Variants in DGKB observed in about 807,000 individuals in gnomAD.
The protein encoded by DGKB is diacylglycerol kinase beta.
In DGKB, 67 loss-of-function variants were observed where a neutral mutation model predicts 114.3. The ratio of observed to expected loss-of-function variants is 0.59; its 90% CI spans 0.48 to 0.72. The LOEUF (loss-of-function observed/expected upper bound fraction) is 0.72. DGKB is among the 30% of genes least tolerant of loss of function. The probability of loss-of-function intolerance (pLI) is 0.00; values close to 1 mark genes in which losing one functional copy is unlikely to be tolerated. For missense variants in DGKB, 907 were observed against 975.2 expected (o/e 0.93, Z 0.93); for synonymous variants, 398 against 323.1 (o/e 1.23, Z -2.49).
intron 1 of DGKB, among the ~76,000 whole-genome samples, chr7:14,923,785 A>T (rs1784619896): frequency 6.6e-6 from 1 of 152,022 alleles, no homozygotes; most frequent in Non-Finnish European, 1.5e-5. Flanking sequence ...ACCTGAGGTC[A>T]GGAGTTTGAG....
chr7:14,630,661 AC>A (rs1245828909), intron 13 of DGKB, among the ~76,000 whole-genome samples: 2 of 152,056 alleles, frequency 1.3e-5, no homozygotes, highest in African/African-American at 4.8e-5. Context: ...TCCTAAAAAT[AC>A]TGTGTCTTTT....
At chr7:14,822,262 G>A (rs1845052667) in intron 2 of DGKB, among the ~76,000 whole-genome samples, 1 of 152,066 alleles carries the variant, frequency 6.6e-6, no homozygotes. Flanking sequence ...TCACACATGT[G>A]ATATTTAAAG....
rs114465345 is a variant in DGKB, at chr7:14,622,388, G to A, written c.1168-894C>T. On this transcript the variant is annotated intron_variant, in intron 14 of 25. Transcript: ENST00000402815. ...CATCTCTATCTACCCTCACTCCCTA[G>A]GTAACTTCATTCATTCCCACAACTT... Among the ~76,000 whole-genome samples the A allele has an allele frequency of 3.5e-3, 529 of 152,006 alleles. 2 individuals carry two copies. Among genetic ancestry groups the A allele is most frequent in the African/African-American group, 0.012 (488 of 41,460 alleles).
chr7:14,502,601 T>C (rs775015264), intron 20 of DGKB, among the ~76,000 whole-genome samples: 2 of 152,120 alleles, frequency 1.3e-5, no homozygotes, highest in Non-Finnish European at 2.9e-5. Context: ...TGGGAAAATA[T>C]TATGTTTACA....
At chr7:14,192,103 G>T (rs1470495584) in intron 23 of DGKB, 1 of 394,350 alleles carries the variant, frequency 2.5e-6, no homozygotes, top group Non-Finnish European at 5.0e-6. Flanking sequence ...GCTGCTGATG[G>T]TGGAAAGGTC....
At chr7:14,465,696 G>T (rs1025625618) in intron 21 of DGKB, among the ~76,000 whole-genome samples, 3 of 152,120 alleles carry the variant, frequency 2.0e-5, no homozygotes, top group African/African-American at 7.2e-5. Context: ...CAGTTAGGAG[G>T]TGGAAGAGCC....
At chr7:14,244,054 G>GGAGA (rs34158469) in intron 23 of DGKB, among the ~76,000 whole-genome samples, 14 of 150,450 alleles carry the variant, frequency 9.3e-5, no homozygotes, top group Admixed American at 9.3e-4. Context: ...AGAGAGAGAG[G>GGAGA]GAGAGAGAGA....
intron 13 of DGKB, among the ~76,000 whole-genome samples, chr7:14,631,263 C>CAAAAAAAAAAAAA (rs35088925): frequency 4.1e-5 from 4 of 98,432 alleles, no homozygotes; most frequent in Non-Finnish European, 6.1e-5. Flanking sequence ...CAGCAAGAAC[C>CAAAAAAAAAAAAA]AAAAAAAAAA....
chr7:14,444,485 T>C (rs960058922), intron 21 of DGKB, among the ~76,000 whole-genome samples: 1 of 151,844 alleles, frequency 6.6e-6, no homozygotes, highest in African/African-American at 2.4e-5. Flanking sequence ...AGAATTCATA[T>C]GCGGTCTCCA....
Position 14,958,568 on chromosome 7 carries a change from G to A in DGKB, c.-188+16128C>T, listed in dbSNP as rs28715465. On this transcript the variant is annotated intron_variant, in intron 1 of 4. Coordinates refer to the DGKB transcript ENST00000437998. ...TTTCAATATTCTTCCTTTAATTATT[G>A]GCTTTATGACCAAATGTCCCAAAAA... 3.8e-3 allele frequency among the ~76,000 whole-genome samples: 572 copies of A among 151,704 alleles called. 4 individuals carry two copies. The highest frequency in any genetic ancestry group is 0.013 in the African/African-American group (538 of 41,338).
At chr7:14,217,502 A>G (rs1025558481) in intron 23 of DGKB, among the ~76,000 whole-genome samples, 4 of 152,074 alleles carry the variant, frequency 2.6e-5, no homozygotes, top group African/African-American at 9.7e-5. Context: ...AGTGTTCTCA[A>G]CTATTCCAAA....
intron 1 of DGKB, among the ~76,000 whole-genome samples, chr7:14,852,401 G>A (rs1345403460): frequency 7.1e-6 from 1 of 140,766 alleles, no homozygotes; most frequent in Non-Finnish European, 1.5e-5. Context: ...ATAAGGAAGG[G>A]CTTTGGTAGT....
At chr7:14,638,349 A>ATT (rs1464997281) in intron 13 of DGKB, among the ~76,000 whole-genome samples, 1 of 152,160 alleles carries the variant, frequency 6.6e-6, no homozygotes, top group Admixed American at 6.5e-5. Context: ...ACTCAATTTT[A>ATT]TTAGCTTCTA....
At position 14,223,051 on chromosome 7, in the gene DGKB, G is replaced by C. The variant is rs186446882; in HGVS notation, c.2123-44900C>G. ...TAATCTAAAGTGTGTCCCCTGAAGA[G>C]AGCATATAAATAGATCTTGTTTTTC... On this transcript the variant is annotated intron_variant, in intron 23 of 25. Transcript: ENST00000402815. 5.1e-4 allele frequency among the ~76,000 whole-genome samples: 77 copies of C among 151,654 alleles called. 2 individuals are homozygous for C. The highest frequency in any genetic ancestry group is 2.0e-3 in the Admixed American group (30 of 15,188).
chr7:14,933,302 G>T (rs978706787), intron 1 of DGKB, among the ~76,000 whole-genome samples: 1 of 151,982 alleles, frequency 6.6e-6, no homozygotes, highest in African/African-American at 2.4e-5. Context: ...ATTTCGTATC[G>T]CTGGTGGACA....
chr7:14,188,878 A>G (rs1783877483), intron 23 of DGKB, among the ~76,000 whole-genome samples: 1 of 152,114 alleles, frequency 6.6e-6, no homozygotes, highest in African/African-American at 2.4e-5. Context: ...ATGGGATGAT[A>G]TATTCAAAGT....
intron 21 of DGKB, among the ~76,000 whole-genome samples, chr7:14,363,363 C>T (rs556947831): frequency 1.9e-3 from 294 of 152,110 alleles, no homozygotes; most frequent in African/African-American, 6.8e-3. Context: ...AGAAAAGACA[C>T]GAACTGTTCA....
At chr7:14,441,675 C>A (rs196760) in intron 21 of DGKB, among the ~76,000 whole-genome samples, 124,901 of 151,970 alleles carry the variant, frequency 0.82, 52,090 homozygotes, top group Non-Finnish European at 0.91. Context: ...TAATTGTGAG[C>A]ATTTTGGATC....
chr7:14,199,111 C>T (rs17167956), intron 23 of DGKB, among the ~76,000 whole-genome samples: 14,596 of 151,956 alleles, frequency 0.096, 874 homozygotes, highest in Admixed American at 0.19. Context: ...CAATCAGTTA[C>T]ATAGTAATTT....
Sources: gnomAD v4.1 joint callset for allele counts (sites outside exome capture counted in the v4.1 genomes callset) on GRCh38, gnomAD v4.1.1 for gene constraint, MANE v1.5 for transcripts, NCBI Gene and HGNC (gene_info 2026-07-23, HGNC 2026-07-21) for gene names.